UGT2B11: variants seen among roughly 807,000 people sequenced by gnomAD.
The protein encoded by UGT2B11 is UDP-glucuronosyltransferase 2B11.
Under a neutral mutation model 51.7 loss-of-function variants are expected in UGT2B11, and 49 were observed. That is an observed-to-expected ratio of 0.95 (90% CI 0.75 to 1.20). The LOEUF (loss-of-function observed/expected upper bound fraction) is 1.20. Among genes scored for constraint, UGT2B11 ranks in the 50% most tolerant of loss-of-function variants. The pLI, the probability that UGT2B11 is intolerant of heterozygous loss-of-function variation, is 0.00. For synonymous variants in UGT2B11, 273 were observed against 209.0 expected, an observed-to-expected ratio of 1.31 and a Z score of -2.64; for missense variants, 810 against 622.1, an observed-to-expected ratio of 1.30 and a Z score of -3.21.
chr4:69,214,829 T>C (rs1438851657), upstream of UGT2B11: 2 of 1,501,770 alleles, frequency 1.3e-6, no homozygotes, highest in African/African-American at 2.8e-5. Flanking sequence ...CCAAAGTAAA[T>C]ATATTATAGG....
chr4:69,220,876 T>C, the UGT2B11 span, among the ~76,000 whole-genome samples: 3 of 152,266 alleles, frequency 2.0e-5, no homozygotes, highest in Admixed American at 6.5e-5. Context: ...ACTACCACAG[T>C]TAGAGAATTA....
chr4:69,200,332 TTTG>T lies in UGT2B11; in HGVS notation c.*105_*107del. Reference sequence around the variant, plus strand: ...TGAAAATTTTTTTTTTTTTTTTTTTTTTGTCACAGGAAGAAAGAAATCTTGCAT... The same window carrying T: ...TGAAAATTTTTTTTTTTTTTTTTTTTTCACAGGAAGAAAGAAATCTTGCAT... On this transcript the variant is annotated 3_prime_UTR_variant, in exon 6 of 6. Coordinates refer to ENST00000446444, the MANE Select transcript of UGT2B11 (RefSeq NM_001073.3). The T allele has an allele frequency of 3.7e-5, 44 of 1,197,134 alleles. No individual in the cohort carries two copies. Among genetic ancestry groups the T allele is most frequent in the Middle Eastern group, 2.4e-4 (1 of 4,144 alleles). 74.2% of individuals were successfully genotyped at this position (1,197,134 alleles called of 1,614,324 possible).
At chr4:69,201,722 C>A (rs866735954) in intron 5 of UGT2B11, among the ~76,000 whole-genome samples, 1 of 151,714 alleles carries the variant, frequency 6.6e-6, no homozygotes, top group Admixed American at 6.6e-5. Flanking sequence ...AATGATGGAG[C>A]CTCCAGGATT....
At chr4:69,221,452 A>C in the UGT2B11 span, among the ~76,000 whole-genome samples, 1 of 152,148 alleles carries the variant, frequency 6.6e-6, no homozygotes, top group Non-Finnish European at 1.5e-5. Context: ...GCCCTTCCAA[A>C]TTGTCCTTCT....
intron 3 of UGT2B11, 72 bp downstream of exon 3, chr4:69,208,279 T>G: frequency 6.3e-7 from 1 of 1,593,532 alleles, no homozygotes; most frequent in Non-Finnish European, 8.5e-7. Flanking sequence ...CTTAATATTC[T>G]TTCTATGTAG....
upstream of UGT2B11, among the ~76,000 whole-genome samples, chr4:69,219,605 C>T (rs563524660): frequency 2.0e-5 from 3 of 151,978 alleles, no homozygotes; most frequent in African/African-American, 2.4e-5. Flanking sequence ...TGGGAGGCCT[C>T]GCAATGATGA....
At chr4:69,219,706 T>C (rs772752504), upstream of UGT2B11, among the ~76,000 whole-genome samples, 14 of 152,062 alleles carry the variant, frequency 9.2e-5, 1 homozygote, top group Non-Finnish European at 1.5e-4. Flanking sequence ...AACTATAAGA[T>C]CTCAAGACAC....
intron 2 of UGT2B11, among the ~76,000 whole-genome samples, chr4:69,208,957 A>G (rs1001127443): frequency 6.6e-6 from 1 of 151,678 alleles, no homozygotes; most frequent in Non-Finnish European, 1.5e-5. Flanking sequence ...CCTAAATATG[A>G]GCACTGAGGA....
intron 1 of UGT2B11, 69 bp from the exon 2 acceptor site, chr4:69,212,790 G>A: frequency 6.6e-7 from 1 of 1,514,298 alleles, no homozygotes; most frequent in South Asian, 1.4e-5. Context: ...TTCTGAAAAA[G>A]GTTAGAACAA....
intron 5 of UGT2B11, among the ~76,000 whole-genome samples, chr4:69,202,237 ACT>A (rs1277731363): frequency 2.0e-5 from 3 of 151,606 alleles, no homozygotes; most frequent in Non-Finnish European, 4.4e-5. Flanking sequence ...TGTCACGAAC[ACT>A]CTGCTATACA....
chr4:69,217,239 A>G (rs1722297528), upstream of UGT2B11, among the ~76,000 whole-genome samples: 1 of 152,114 alleles, frequency 6.6e-6, no homozygotes, highest in Non-Finnish European at 1.5e-5. Flanking sequence ...GGTAATTTGT[A>G]CTTTTAAAAA....
chr4:69,205,425 A>T lies in UGT2B11; in HGVS notation c.1090+55T>A, dbSNP rs1269474106. Reference sequence around the variant, plus strand: ...AAATATTCAATAAGCATGTTTCATTAACCCTCTAATGTGCAGTTACTAATA... The same window carrying T: ...AAATATTCAATAAGCATGTTTCATTTACCCTCTAATGTGCAGTTACTAATA... On this transcript the variant is annotated intron_variant, in intron 4 of 5. Transcript: ENST00000446444. The T allele has an allele frequency of 1.7e-5, 27 of 1,573,042 alleles. No individual in the cohort carries two copies. In the Admixed American group the frequency reaches 4.8e-4, roughly 28 times the overall value.
chr4:69,204,475 C>T lies in UGT2B11; in HGVS notation c.1265G>A (p.Ser422Asn), dbSNP rs770125632. The T allele has an allele frequency of 2.5e-6, 4 of 1,612,134 alleles. No individual in the cohort carries two copies. The highest frequency in any genetic ancestry group is 2.2e-5 in the South Asian group (2 of 91,048). ...CTTCAGTGCATTCAGCAGGTCTGTA[C>T]TCGACATTGTGTTGAAGTCCAATCT... is the stretch of plus-strand genomic sequence containing the variant. ...AVRLDFNTMS[S>N]TDLLNALKTV... Residue 422 changes from serine (S) to asparagine (N), a missense_variant, in exon 5 of 6, where the codon AGT becomes AAT. Transcript: ENST00000446444.
the UGT2B11 span, among the ~76,000 whole-genome samples, chr4:69,222,059 C>A: frequency 6.1e-3 from 922 of 152,376 alleles, 8 homozygotes; most frequent in African/African-American, 0.021. Flanking sequence ...CTCTGAGCCA[C>A]CAAGGTCTGC....
chr4:69,214,335 C>T lies in UGT2B11; in HGVS notation c.388G>A (p.Val130Ile), dbSNP rs746332884. Residue 130 changes from valine to isoleucine, a missense_variant, in exon 1 of 6, where the codon GTA (valine) becomes ATA (isoleucine). Coordinates refer to ENST00000446444, the MANE Select transcript of UGT2B11 (RefSeq NM_001073.3). ...YDIFRNFCKDVVSNKKVMKKL... is the reference protein window; with the variant it reads ...YDIFRNFCKDIVSNKKVMKKL... ...TTCATAACTTTCTTATTTGAAACTA[C>T]ATCTTTACAGAAGTTTCTAAATATG... is the stretch of plus-strand genomic sequence containing the variant. The T allele has an allele frequency of 4.3e-6, 7 of 1,612,874 alleles. No individual in the cohort carries two copies. The highest frequency in any genetic ancestry group is 1.1e-5 in the South Asian group (1 of 91,006).
chr4:69,214,881 C>T (rs893193837), upstream of UGT2B11: 54 of 1,139,702 alleles, frequency 4.7e-5, 1 homozygote, highest in South Asian at 4.0e-4. Flanking sequence ...AAACAAAGTT[C>T]GATTACTTCA....
chr4:69,205,195 T>C (rs1214341862), intron 4 of UGT2B11, among the ~76,000 whole-genome samples: 2 of 151,614 alleles, frequency 1.3e-5, no homozygotes, highest in African/African-American at 4.8e-5. Flanking sequence ...AGGTGTAAAA[T>C]TGTAGAAACA....
chr4:69,201,884 A>G (rs1207265861), intron 5 of UGT2B11, among the ~76,000 whole-genome samples: 2 of 151,870 alleles, frequency 1.3e-5, no homozygotes, highest in Non-Finnish European at 2.9e-5. Context: ...CATCTTGAAC[A>G]TTATCTTGAG....
At chr4:69,210,532 A>G (rs184714624) in intron 2 of UGT2B11, among the ~76,000 whole-genome samples, 217 of 151,742 alleles carry the variant, frequency 1.4e-3, no homozygotes, top group African/African-American at 4.8e-3. Context: ...TCTGCAAGTT[A>G]ATAACAAGAC....
Sources: allele counts gnomAD v4.1 joint callset (sites outside exome capture counted in the v4.1 genomes callset), GRCh38; gene constraint gnomAD v4.1.1; transcripts MANE v1.5; gene names NCBI Gene and HGNC (gene_info 2026-07-23, HGNC 2026-07-21).